ARHGEF3: variants seen among roughly 807,000 people sequenced by gnomAD.
ARHGEF3 encodes the protein 59.8 kDA protein.
In ARHGEF3, 28 loss-of-function variants were observed where a neutral mutation model predicts 63.2. The observed-to-expected ratio is 0.44, with a 90% confidence interval of 0.33 to 0.61. The LOEUF (loss-of-function observed/expected upper bound fraction) is 0.61, where lower values mean the gene tolerates loss of function less well. ARHGEF3 is among the 20% of genes least tolerant of loss of function. The pLI is 0.03. For synonymous variants in ARHGEF3, 266 were observed against 254.2 expected (o/e 1.05, Z -0.44); for missense variants, 533 against 659.3 (o/e 0.81, Z 2.10).
chr3:56,831,442 T>C (rs1321014538), intron 4 of ARHGEF3, among the ~76,000 whole-genome samples: 1 of 152,234 alleles, frequency 6.6e-6, no homozygotes, highest in Non-Finnish European at 1.5e-5. Flanking sequence ...ACTTTTCCTG[T>C]AAAGGGAAAA....
At chr3:57,066,840 G>C (rs1705566344) in intron 1 of ARHGEF3, among the ~76,000 whole-genome samples, 1 of 152,096 alleles carries the variant, frequency 6.6e-6, no homozygotes, top group Non-Finnish European at 1.5e-5. Context: ...ATTCTACCCA[G>C]AGAGCCTTTG....
At chr3:57,014,876 G>A (rs1442180768) in intron 2 of ARHGEF3, among the ~76,000 whole-genome samples, 3 of 152,000 alleles carry the variant, frequency 2.0e-5, no homozygotes, top group Admixed American at 1.3e-4. Context: ...TACTAGTCAC[G>A]GGGTTTCACC....
At chr3:56,965,970 A>T (rs1009807308) in intron 2 of ARHGEF3, among the ~76,000 whole-genome samples, 4 of 152,078 alleles carry the variant, frequency 2.6e-5, no homozygotes, top group Non-Finnish European at 4.4e-5. Context: ...TTTATAGTGG[A>T]AGATCATATA....
At position 56,754,963 on chromosome 3, in the gene ARHGEF3, C is replaced by CA; in HGVS notation, c.375+17dup. On this transcript the variant is annotated intron_variant, in intron 3 of 9. Coordinates refer to ENST00000296315, the MANE Select transcript of ARHGEF3 (RefSeq NM_019555.3). The stretch of plus-strand genomic sequence containing the variant: ...TTTGTTCCAGACACACAGCCAGCTC[C>CA]ATGGGCCCCGAGCCTACCTCCTGAC... The CA allele has an allele frequency of 6.2e-7, 1 of 1,614,132 alleles. No homozygotes were observed. The highest frequency in any genetic ancestry group is 8.5e-7 in the Non-Finnish European group (1 of 1,180,004).
chr3:56,986,190 C>CA lies in ARHGEF3; in HGVS notation c.63-27302dup, dbSNP rs1701529147. 2.0e-5 allele frequency among the ~76,000 whole-genome samples: 3 copies of CA among 152,276 alleles called. No homozygotes were observed. The South Asian group carries it at 6.2e-4, about 32-fold the overall frequency. On this transcript the variant is annotated intron_variant, in intron 2 of 12. Transcript: ENST00000338458. ...ACTACCAGCAACCTAAAGAGCCCAA[C>CA]AAAAAATCAGGAAGTGCAGGGTCTT...
chr3:56,827,742 CCT>C, intron 4 of ARHGEF3, among the ~76,000 whole-genome samples: 1 of 116,180 alleles, frequency 8.6e-6, no homozygotes, highest in Middle Eastern at 4.8e-3. Flanking sequence ...GTGGCAAAAC[CCT>C]GTCTCTACAA....
At chr3:56,821,973 G>T (rs1337221555) in intron 4 of ARHGEF3, among the ~76,000 whole-genome samples, 1 of 26,890 alleles carries the variant, frequency 3.7e-5, no homozygotes, top group African/African-American at 1.9e-4. Flanking sequence ...GAGAAGAGAA[G>T]AGAAGAGAAG....
chr3:56,761,157 C>A (rs1056484709), intron 2 of ARHGEF3, among the ~76,000 whole-genome samples: 2 of 152,144 alleles, frequency 1.3e-5, no homozygotes, highest in African/African-American at 2.4e-5. Context: ...TGGTCAGCAG[C>A]CGTCTGGCCC....
chr3:56,790,654 T>C (rs2037032947), intron 1 of ARHGEF3, among the ~76,000 whole-genome samples: 1 of 152,200 alleles, frequency 6.6e-6, no homozygotes, highest in Non-Finnish European at 1.5e-5. Context: ...GTTCTTGAAA[T>C]GCCTGCGTGA....
intron 3 of ARHGEF3, among the ~76,000 whole-genome samples, chr3:56,891,307 C>A (rs1345022384): frequency 6.6e-6 from 1 of 150,986 alleles, no homozygotes; most frequent in Non-Finnish European, 1.5e-5. Flanking sequence ...TGTGACCCAC[C>A]GTGCCTGGCC....
chr3:56,864,406 T>TGG (rs1185630819), intron 4 of ARHGEF3, among the ~76,000 whole-genome samples: 1 of 152,226 alleles, frequency 6.6e-6, no homozygotes, highest in African/African-American at 2.4e-5. Flanking sequence ...CCTTACCTTC[T>TGG]TTCAGCTTTC....
chr3:56,729,347 C>T lies in ARHGEF3; in HGVS notation c.1504G>A (p.Val502Ile), dbSNP rs1219222548. ...ESDCSMDTSE[V>I]SLDCERMEQT... ...TCCATGCGCTCACAGTCGAGGCTGA[C>T]CTCACTCGTGTCCATACTACAGTCT... is the stretch of plus-strand genomic sequence containing the variant. The change falls in exon 10 of 10, where the codon GTC becomes ATC. Residue 502 changes from valine to isoleucine, a missense_variant. By Grantham distance (29) the Val-to-Ile change is conservative. Around this residue, in one of 4 missense-constraint regions of ARHGEF3, gnomAD observed 115 missense variants for 103.4 expected, o/e 1.11. Transcript: ENST00000296315. The T allele has an allele frequency of 5.0e-6, 8 of 1,614,020 alleles. No individual in the cohort carries two copies. The highest frequency in any genetic ancestry group is 6.8e-6 in the Non-Finnish European group (8 of 1,180,040).
At chr3:56,847,087 G>A (rs189213734) in intron 4 of ARHGEF3, among the ~76,000 whole-genome samples, 1 of 152,272 alleles carries the variant, frequency 6.6e-6, no homozygotes, top group Admixed American at 6.5e-5. Flanking sequence ...AGGTCACAGT[G>A]AATTAGAGTC....
chr3:56,871,786 T>C (rs2040438770), intron 4 of ARHGEF3, among the ~76,000 whole-genome samples: 1 of 152,198 alleles, frequency 6.6e-6, no homozygotes. Context: ...AAGAGTTCAC[T>C]GAATAAAATT....
intron 2 of ARHGEF3, chr3:56,975,884 A>T (rs1701106148): frequency 3.2e-6 from 1 of 309,882 alleles, no homozygotes; most frequent in Non-Finnish European, 6.3e-6. Flanking sequence ...GTTTTTCTAC[A>T]TCTGCAAATA....
At chr3:56,778,365 T>G (rs367961009) in intron 1 of ARHGEF3, among the ~76,000 whole-genome samples, 24 of 152,318 alleles carry the variant, frequency 1.6e-4, no homozygotes, top group African/African-American at 4.6e-4. Flanking sequence ...CCAGAGCCCA[T>G]GCCCTACCCC....
chr3:56,740,815 C>T (rs867492762), intron 7 of ARHGEF3, among the ~76,000 whole-genome samples: 1 of 152,184 alleles, frequency 6.6e-6, no homozygotes, highest in Non-Finnish European at 1.5e-5. Flanking sequence ...TTAATCAGCG[C>T]TTGAGTCAAT....
intron 2 of ARHGEF3, among the ~76,000 whole-genome samples, chr3:56,769,832 G>A (rs79300184): frequency 0.012 from 1,894 of 152,282 alleles, 74 homozygotes; most frequent in East Asian, 0.11. Flanking sequence ...ATGTCTCTAA[G>A]GTGTCAGAAG....
intron 3 of ARHGEF3, among the ~76,000 whole-genome samples, chr3:56,936,764 G>A (rs1698926047): frequency 6.6e-6 from 1 of 152,152 alleles, no homozygotes. Flanking sequence ...CCATTGCCCA[G>A]GCTGGACTGC....
Sources: allele counts gnomAD v4.1 joint callset (sites outside exome capture counted in the v4.1 genomes callset), GRCh38; gene constraint gnomAD v4.1.1; regional missense constraint gnomAD v4.1.1; transcripts MANE v1.5; gene names NCBI Gene and HGNC (gene_info 2026-07-23, HGNC 2026-07-21).